TMOD3: variants seen among roughly 807,000 people sequenced by gnomAD.
TMOD3 encodes tropomodulin 3.
A neutral mutation model predicts 39.2 loss-of-function variants in TMOD3; 20 were observed. The ratio of observed to expected loss-of-function variants is 0.51; its 90% confidence interval spans 0.36 to 0.74. The LOEUF is 0.74. Ranked by LOEUF, TMOD3 falls within the 30% of genes least tolerant of loss-of-function variation. The pLI, the probability that TMOD3 is intolerant of heterozygous loss-of-function variation, is 0.00. For missense variants in TMOD3, 381 were observed against 412.8 expected, an observed-to-expected ratio of 0.92 and a Z score of 0.67; for synonymous variants, 143 against 145.8, an observed-to-expected ratio of 0.98 and a Z score of 0.14.
intron 5 of TMOD3, among the ~76,000 whole-genome samples, chr15:51,891,244 C>CTTTTTTTT (rs56932356): frequency 7.7e-6 from 1 of 130,260 alleles, no homozygotes; most frequent in East Asian, 2.2e-4. Flanking sequence ...AACCTCTTTC[C>CTTTTTTTT]TTTTTTTTTT....
rs1045869335 is a variant in TMOD3, at chr15:51,911,609, C to A, written c.*2799C>A. ...TGAGACCTTAGGTTTTGTAGTCTAA[C>A]CAGCTTATGTGGTTATTTAAAAGAA... On this transcript the variant is annotated 3_prime_UTR_variant, in exon 10 of 10. Coordinates refer to ENST00000308580, the MANE Select transcript of TMOD3 (RefSeq NM_014547.5). 6.6e-6 allele frequency: 1 copy of A among 152,060 alleles called. No homozygotes were observed. The highest frequency in any genetic ancestry group is 1.5e-5 in the Non-Finnish European group (1 of 68,000). 9.4% of individuals were successfully genotyped at this position (152,060 alleles called of 1,614,324 possible).
At position 51,913,658 on chromosome 15, in the gene TMOD3, A is replaced by G. The variant is rs1196371015; in HGVS notation, c.*4848A>G. ...TCAGAAAGGTCAACCTAGAAAAAAG[A>G]CATGGCTAAGTAAACTATTTTAAGC... On this transcript the variant is annotated 3_prime_UTR_variant, in exon 10 of 10. Transcript: ENST00000308580. 1 of 152,240 alleles carries G rather than the reference A, an allele frequency of 6.6e-6. No individual in the cohort carries two copies. The highest frequency in any genetic ancestry group is 1.9e-4 in the East Asian group (1 of 5,198). 9.4% of individuals were successfully genotyped at this position (152,240 alleles called of 1,614,324 possible).
chr15:51,900,800 C>T (rs527636256), intron 8 of TMOD3, among the ~76,000 whole-genome samples: 9 of 152,160 alleles, frequency 5.9e-5, no homozygotes, highest in Non-Finnish European at 1.2e-4. Flanking sequence ...AGGATTATGT[C>T]TTAAAATTTA....
rs11446467 is a variant in TMOD3, at chr15:51,910,741, CTTTTT to C, written c.*1940_*1944del. The C allele has an allele frequency of 2.1e-5, 3 of 142,800 alleles. No individual in the cohort carries two copies. Among genetic ancestry groups the C allele is most frequent in the African/African-American group, 7.7e-5 (3 of 38,954 alleles). The allele number at this position is 142,800 out of a possible 1,614,324, so 8.8% of individuals were successfully genotyped here. ...CCCTCATAAGAACTGTGGTGTTTCTCTTTTTTTTTTTTTGTTTTGGTTTGTTTTGG... is the reference window on the plus strand; with the variant it reads ...CCCTCATAAGAACTGTGGTGTTTCTCTTTTTTTTGTTTTGGTTTGTTTTGG... On this transcript the variant is annotated 3_prime_UTR_variant, in exon 10 of 10. Transcript: ENST00000308580.
chr15:51,913,630 C>T lies in TMOD3; in HGVS notation c.*4820C>T, dbSNP rs1181013659. The T allele has an allele frequency of 6.6e-6, 1 of 152,160 alleles. No homozygotes were observed. Among genetic ancestry groups the T allele is most frequent in the Non-Finnish European group, 1.5e-5 (1 of 68,026 alleles). 9.4% of individuals were successfully genotyped at this position (152,160 alleles called of 1,614,324 possible). A position where few individuals can be genotyped will look rare whatever the true frequency, so the allele number is the denominator to read the frequency against. ...TTTAAACTCTATCTTGCAGTCTGAT[C>T]ATTCAGAAAGGTCAACCTAGAAAAA... On this transcript the variant is annotated 3_prime_UTR_variant, in exon 10 of 10. Coordinates refer to ENST00000308580, the MANE Select transcript of TMOD3 (RefSeq NM_014547.5).
rs141240770 is a variant in TMOD3, at chr15:51,891,399, G to C, written c.496+2254G>C. Among the ~76,000 whole-genome samples the C allele has an allele frequency of 1.7e-3, 264 of 152,088 alleles. 1 individual carries two copies. The highest frequency in any genetic ancestry group is 6.3e-3 in the African/African-American group (260 of 41,480). ...TTTCTGTAAACTGTTAGTTCTAGTG[G>C]CTTGATGAGATGCAGGTGCAGGTCC... On this transcript the variant is annotated intron_variant, in intron 5 of 9. Transcript: ENST00000308580.
intron 1 of TMOD3, among the ~76,000 whole-genome samples, chr15:51,837,698 C>A (rs2056293518): frequency 6.6e-6 from 1 of 152,140 alleles, no homozygotes; most frequent in African/African-American, 2.4e-5. Flanking sequence ...CCTCAGCACA[C>A]CCTCTGTGCT....
chr15:51,910,687 G>A lies in TMOD3; in HGVS notation c.*1877G>A, dbSNP rs1472584340. Reference sequence around the variant, plus strand: ...GCAAGGCAGCTTCTTGTGTGCTATGGTAATAAGCCTTCTTAACAGGCTAAG... The same window carrying A: ...GCAAGGCAGCTTCTTGTGTGCTATGATAATAAGCCTTCTTAACAGGCTAAG... On this transcript the variant is annotated 3_prime_UTR_variant, in exon 10 of 10. Transcript: ENST00000308580. The A allele has an allele frequency of 6.6e-6, 1 of 151,884 alleles. No individual in the cohort carries two copies. The highest frequency in any genetic ancestry group is 1.9e-4 in the East Asian group (1 of 5,190). The allele number at this position is 151,884 out of a possible 1,614,324, so 9.4% of individuals were successfully genotyped here.
intron 9 of TMOD3, among the ~76,000 whole-genome samples, chr15:51,905,538 C>T (rs1882565889): frequency 6.6e-6 from 1 of 151,008 alleles, no homozygotes; most frequent in Non-Finnish European, 1.5e-5. Flanking sequence ...TGGTAGAATA[C>T]ACTGAAATTA....
chr15:51,871,019 G>A lies in TMOD3; in HGVS notation c.283+1646G>A, dbSNP rs150646542. Among the ~76,000 whole-genome samples, 40 of 152,028 alleles carry A rather than the reference G, an allele frequency of 2.6e-4. No homozygotes were observed. In the East Asian group the frequency reaches 6.9e-3, roughly 26 times the overall value. ...TAATTGGCTTTACTTAGAGTCTGCT[G>A]ATTTAAATTTTAATCTCATCCAAAA... On this transcript the variant is annotated intron_variant, in intron 3 of 9. Transcript: ENST00000308580.
chr15:51,887,734 T>C, intron 4 of TMOD3, 23 bp downstream of exon 4: 4 of 1,613,034 alleles, frequency 2.5e-6, no homozygotes, highest in Non-Finnish European at 3.4e-6. Context: ...ACAAGTTAAT[T>C]TGTGAATAAG....
intron 3 of TMOD3, among the ~76,000 whole-genome samples, chr15:51,875,804 GAGAC>G (rs544364710): frequency 6.6e-6 from 1 of 151,818 alleles, no homozygotes; most frequent in Non-Finnish European, 1.5e-5. Flanking sequence ...ATTTTTAGTA[GAGAC>G]AGGGTTTCAC....
intron 1 of TMOD3, among the ~76,000 whole-genome samples, chr15:51,841,029 A>C (rs1479816562): frequency 6.6e-6 from 1 of 152,214 alleles, no homozygotes; most frequent in Admixed American, 6.5e-5. Context: ...GTCAGGTTCA[A>C]ATCTCACATC....
chr15:51,850,011 G>A (rs2056353490), intron 1 of TMOD3, among the ~76,000 whole-genome samples: 1 of 152,078 alleles, frequency 6.6e-6, no homozygotes, highest in Non-Finnish European at 1.5e-5. Flanking sequence ...CAGTTTGGGT[G>A]GAGTGAGTGG....
intron 5 of TMOD3, among the ~76,000 whole-genome samples, chr15:51,892,082 G>GTA (rs1323335361): frequency 6.6e-6 from 1 of 151,922 alleles, no homozygotes; most frequent in Non-Finnish European, 1.5e-5. Context: ...CTGTGTGTGT[G>GTA]TGATATTTGA....
intron 3 of TMOD3, among the ~76,000 whole-genome samples, chr15:51,880,355 A>G (rs1232459472): frequency 6.6e-6 from 1 of 152,112 alleles, no homozygotes; most frequent in Non-Finnish European, 1.5e-5. Flanking sequence ...CATATCATAA[A>G]ATTTATCAAT....
chr15:51,881,144 A>G (rs145955127), intron 3 of TMOD3, among the ~76,000 whole-genome samples: 87 of 152,330 alleles, frequency 5.7e-4, no homozygotes, highest in African/African-American at 2.0e-3. Flanking sequence ...TATGCAGCCC[A>G]GGCTGGACTC....
chr15:51,850,792 A>G (rs2056357834), intron 1 of TMOD3, among the ~76,000 whole-genome samples: 1 of 152,128 alleles, frequency 6.6e-6, no homozygotes, highest in African/African-American at 2.4e-5. Flanking sequence ...GCTGGAGTGC[A>G]GTGGCGCGAT....
intron 1 of TMOD3, among the ~76,000 whole-genome samples, chr15:51,844,103 A>G (rs980788451): frequency 1.3e-5 from 2 of 152,222 alleles, no homozygotes; most frequent in Non-Finnish European, 2.9e-5. Context: ...AAAAAAATCA[A>G]TAAATGCACA....
Sources: allele counts gnomAD v4.1 joint callset (sites outside exome capture counted in the v4.1 genomes callset), GRCh38; gene constraint gnomAD v4.1.1; transcripts MANE v1.5; gene names NCBI Gene and HGNC (gene_info 2026-07-23, HGNC 2026-07-21).